The following TENM3 variants were observed in gnomAD, a reference collection of about 807,000 sequenced individuals.
TENM3 encodes the protein teneurin-3.
Under a neutral mutation model 255.1 loss-of-function variants are expected in TENM3, and 63 were observed. That is an observed-to-expected ratio of 0.25 (90% CI 0.20 to 0.30). The LOEUF is 0.30. TENM3 is among the 10% of genes least tolerant of loss of function. The pLI is 1.00. For synonymous variants in TENM3, 1,306 were observed against 1,322.3 expected, an observed-to-expected ratio of 0.99 and a Z score of 0.27; for missense variants, 2,929 against 3,461.1, an observed-to-expected ratio of 0.85 and a Z score of 3.86.
chr4:181,566,151 A>C, the TENM3 span, among the ~76,000 whole-genome samples: 8 of 152,208 alleles, frequency 5.3e-5, no homozygotes, highest in African/African-American at 1.9e-4. Flanking sequence ...AAGCTTAAAT[A>C]AAATTAGAAA....
the TENM3 span, among the ~76,000 whole-genome samples, chr4:181,681,502 G>C: frequency 2.4e-4 from 37 of 151,986 alleles, no homozygotes; most frequent in African/African-American, 8.9e-4. Context: ...CCCACAACTA[G>C]AAAGTATTTT....
the TENM3 span, among the ~76,000 whole-genome samples, chr4:181,722,083 T>C: frequency 6.6e-6 from 1 of 152,108 alleles, no homozygotes; most frequent in African/African-American, 2.4e-5. Context: ...GTTTCTAAAC[T>C]GAGATGAAAA....
rs566826603 is a variant in TENM3 at position 182,679,511 on chromosome 4, T to C, written c.1327-155T>C. Among the ~76,000 whole-genome samples the C allele has an allele frequency of 2.9e-4, 44 of 152,322 alleles. 2 individuals are homozygous for C. Among genetic ancestry groups the C allele is most frequent in the Admixed American group, 2.7e-3 (42 of 15,308 alleles). ...TAGTTTGCGTCCTCCTTGTAAATGC[T>C]ATGCATGGGAGACTTCTACCATTTG... On this transcript the variant is annotated intron_variant, in intron 7 of 27. Coordinates refer to ENST00000511685, the MANE Select transcript of TENM3 (RefSeq NM_001080477.4).
chr4:182,026,179 C>CA, the TENM3 span, among the ~76,000 whole-genome samples: 1 of 152,144 alleles, frequency 6.6e-6, no homozygotes, highest in Admixed American at 6.5e-5. Context: ...CTGCATAGTG[C>CA]TCCATGGTGT....
Position 182,547,686 on chromosome 4 carries a change from G to A in TENM3, c.512-53238G>A, listed in dbSNP as rs1741578814. On this transcript the variant is annotated intron_variant, in intron 3 of 27. Coordinates refer to ENST00000511685, the MANE Select transcript of TENM3 (RefSeq NM_001080477.4). ...CTGGTGCAGTTTCCATTTGAGTCCA[G>A]CCCTATAGAAAGAAGATGACAGCTT... 2.0e-5 allele frequency among the ~76,000 whole-genome samples: 3 copies of A among 152,166 alleles called. No individual in the cohort carries two copies. The South Asian group carries it at 6.2e-4, about 32-fold the overall frequency.
the TENM3 span, among the ~76,000 whole-genome samples, chr4:182,074,651 G>A: frequency 6.6e-6 from 1 of 152,192 alleles, no homozygotes; most frequent in Non-Finnish European, 1.5e-5. Flanking sequence ...GCGGTGTGGG[G>A]CAGCAGTGGG....
chr4:182,598,334 A>G (rs1051711071), intron 3 of TENM3, among the ~76,000 whole-genome samples: 5 of 152,142 alleles, frequency 3.3e-5, no homozygotes, highest in Admixed American at 6.5e-5. Flanking sequence ...TGTGTTGTCA[A>G]TTCAAGAGGT....
chr4:181,885,975 G>T, the TENM3 span, among the ~76,000 whole-genome samples: 5 of 151,638 alleles, frequency 3.3e-5, no homozygotes, highest in African/African-American at 4.8e-5. Flanking sequence ...CATTTCAATA[G>T]GTAGATCAAC....
chr4:182,385,075 C>G (rs1419053396), intron 3 of TENM3, among the ~76,000 whole-genome samples: 1 of 151,978 alleles, frequency 6.6e-6, no homozygotes, highest in African/African-American at 2.4e-5. Flanking sequence ...GACGGTGTCC[C>G]CCAGCATTGT....
At chr4:181,486,682 G>T in the TENM3 span, among the ~76,000 whole-genome samples, 3 of 152,124 alleles carry the variant, frequency 2.0e-5, no homozygotes, top group African/African-American at 7.2e-5. Context: ...TTGATGTTGT[G>T]TTACAGTTTT....
At position 182,161,673 on chromosome 4, in the gene TENM3, A is replaced by ATATATATACATATATATG. The variant is rs1386724701; in HGVS notation, c.-76+16920_-76+16921insATATATACATATATATGT. Among the ~76,000 whole-genome samples the ATATATATACATATATATG allele has an allele frequency of 1.5e-3, 92 of 60,024 alleles. 16 individuals carry two copies. The highest frequency in any genetic ancestry group is 4.7e-3 in the African/African-American group (75 of 16,092). The allele number at this position is 60,024 out of a possible 152,430, so 39.4% of individuals were successfully genotyped here. ...TATATACACACACACAAATATATAT[A>ATATATATACATATATATG]TGTATATATATACACAAATATATAT... On this transcript the variant is annotated intron_variant, in intron 1 of 2. Transcript: ENST00000512480.
chr4:182,554,353 A>G (rs1742373991), intron 3 of TENM3, among the ~76,000 whole-genome samples: 1 of 152,214 alleles, frequency 6.6e-6, no homozygotes, highest in South Asian at 2.1e-4. Flanking sequence ...ATCCCATCTG[A>G]CCACTGACTT....
the TENM3 span, among the ~76,000 whole-genome samples, chr4:182,125,552 A>G: frequency 6.6e-5 from 10 of 152,316 alleles, no homozygotes; most frequent in East Asian, 1.9e-3. Flanking sequence ...ATCTTGGGCC[A>G]TCTTGACAAA....
At chr4:181,721,136 G>C in the TENM3 span, among the ~76,000 whole-genome samples, 3 of 151,930 alleles carry the variant, frequency 2.0e-5, no homozygotes, top group African/African-American at 7.2e-5. Context: ...TTCCGGGAGG[G>C]GGGAACATTA....
At chr4:181,640,424 T>G in the TENM3 span, among the ~76,000 whole-genome samples, 1 of 152,174 alleles carries the variant, frequency 6.6e-6, no homozygotes, top group South Asian at 2.1e-4. Context: ...CATCACTGCT[T>G]TCATGATGTA....
At chr4:182,346,068 T>TATAC (rs60234584) in intron 2 of TENM3, among the ~76,000 whole-genome samples, 52,483 of 149,256 alleles carry the variant, frequency 0.35, 9,562 homozygotes, top group East Asian at 0.53. Flanking sequence ...CACACACATA[T>TATAC]ATACATACAT....
At chr4:181,452,568 C>T in the TENM3 span, among the ~76,000 whole-genome samples, 28 of 152,228 alleles carry the variant, frequency 1.8e-4, no homozygotes, top group African/African-American at 6.3e-4. Flanking sequence ...CCCCTTCCAC[C>T]ATGATTGTAA....
chr4:181,789,218 ATTTAT>A, the TENM3 span, among the ~76,000 whole-genome samples: 3,019 of 145,602 alleles, frequency 0.021, 35 homozygotes, highest in Admixed American at 0.022. Flanking sequence ...AGCCCCCTTT[ATTTAT>A]TTTATTTTAT....
At chr4:181,853,874 A>G in the TENM3 span, among the ~76,000 whole-genome samples, 27 of 152,306 alleles carry the variant, frequency 1.8e-4, no homozygotes, top group African/African-American at 4.1e-4. Flanking sequence ...GATAAGGGAG[A>G]TTTAATTAAA....
Sources: allele counts gnomAD v4.1 joint callset (sites outside exome capture counted in the v4.1 genomes callset), GRCh38; gene constraint gnomAD v4.1.1; transcripts MANE v1.5; gene names NCBI Gene and HGNC (gene_info 2026-07-23, HGNC 2026-07-21).